The following ADGRL2 variants were observed in gnomAD, a reference collection of about 807,000 sequenced individuals.
The protein encoded by ADGRL2 is adhesion G protein-coupled receptor L2, also known as calcium-independent alpha-latrotoxin receptor 2.
Under a neutral mutation model 157.4 loss-of-function variants are expected in ADGRL2, and 44 were observed. That is an observed-to-expected ratio of 0.28 (90% confidence interval 0.22 to 0.36). The LOEUF is 0.36. Ranked by LOEUF, ADGRL2 falls within the 10% of genes least tolerant of loss-of-function variation. The probability of loss-of-function intolerance (pLI) is 1.00; values close to 1 mark genes in which losing one functional copy is unlikely to be tolerated. For missense variants in ADGRL2, 1,510 were observed against 1,768.9 expected (o/e 0.85, Z 2.63); for synonymous variants, 585 against 624.7 (o/e 0.94, Z 0.95).
At chr1:81,647,661 TA>T (rs2082339837) in intron 3 of ADGRL2, among the ~76,000 whole-genome samples, 1 of 152,158 alleles carries the variant, frequency 6.6e-6, no homozygotes, top group Admixed American at 6.5e-5. Flanking sequence ...GCATTTCAGA[TA>T]AGGGGTATTC....
intron 3 of ADGRL2, among the ~76,000 whole-genome samples, chr1:81,597,849 G>A (rs2081265310): frequency 6.6e-6 from 1 of 152,188 alleles, no homozygotes; most frequent in Admixed American, 6.6e-5. Flanking sequence ...GATAGGGAGT[G>A]TGGAATGAGT....
At chr1:81,586,825 A>G (rs1388213230) in intron 3 of ADGRL2, among the ~76,000 whole-genome samples, 1 of 152,050 alleles carries the variant, frequency 6.6e-6, no homozygotes, top group African/African-American at 2.4e-5. Flanking sequence ...GAGGGAGAAA[A>G]TGTTAGCTTG....
intron 2 of ADGRL2, among the ~76,000 whole-genome samples, chr1:81,467,046 T>TA (rs550364036): frequency 0.023 from 2,995 of 130,646 alleles, 96 homozygotes; most frequent in African/African-American, 0.075. Flanking sequence ...AAGCTACAGT[T>TA]AAAAAAAAAA....
intron 2 of ADGRL2, among the ~76,000 whole-genome samples, chr1:81,478,584 T>C (rs1468176479): frequency 6.6e-6 from 1 of 152,226 alleles, no homozygotes; most frequent in Non-Finnish European, 1.5e-5. Context: ...GTCGCTGGTG[T>C]TTAAGCCTTA....
At chr1:81,378,551 T>C (rs1189660983) in intron 1 of ADGRL2, among the ~76,000 whole-genome samples, 1 of 124,934 alleles carries the variant, frequency 8.0e-6, no homozygotes, top group East Asian at 2.6e-4. Flanking sequence ...GACACCAGAA[T>C]GAGACCTTGT....
In ADGRL2 at chr1:81,750,427, G is replaced by C. The variant is rs186383915; in HGVS notation, c.-142-11384G>C. Among the ~76,000 whole-genome samples, 5 of 152,216 alleles carry C rather than the reference G, an allele frequency of 3.3e-5. No individual in the cohort carries two copies. The East Asian group carries it at 9.7e-4, about 29-fold the overall frequency. On this transcript the variant is annotated intron_variant, in intron 1 of 20. Transcript: ENST00000359929. The stretch of plus-strand genomic sequence containing the variant: ...ACAAGTTGTTACAAATATTAAGAGA[G>C]AGAAAGTATGGCTGGGCCAGGTGGC...
Position 81,966,141 on chromosome 1 carries a change from A to G in ADGRL2, c.2101A>G (p.Ile701Val), listed in dbSNP as rs61738843. ...PLGIKGAGSS[I>V]QLSANTVKQN... ...GGGCATCAAAGGAGCAGGCAGCTCA[A>G]TCCAACTGTCCGCAAATACCGTCAA... Residue 701 changes from isoleucine to valine, a missense_variant, in exon 12 of 24, where the codon ATC (isoleucine) becomes GTC (valine). This residue lies in a region of ADGRL2 where 497 missense variants were observed against 627.2 expected (regional missense o/e 0.79). Coordinates refer to ENST00000686636, the MANE Select transcript of ADGRL2 (RefSeq NM_001366006.2). The G allele has an allele frequency of 3.1e-6, 5 of 1,614,008 alleles. No individual in the cohort carries two copies. Among genetic ancestry groups the G allele is most frequent in the African/African-American group, 2.7e-5 (2 of 74,928 alleles).
At chr1:81,443,437 C>CA (rs199968094) in intron 1 of ADGRL2, among the ~76,000 whole-genome samples, 2,410 of 117,680 alleles carry the variant, frequency 0.02, 61 homozygotes, top group African/African-American at 0.064. Flanking sequence ...AACTCCATCT[C>CA]AAAAAAAAAA....
chr1:81,439,863 G>A (rs747893668), intron 1 of ADGRL2, among the ~76,000 whole-genome samples: 2 of 152,222 alleles, frequency 1.3e-5, no homozygotes, highest in Non-Finnish European at 2.9e-5. Flanking sequence ...ATTGTCCAGT[G>A]TCCAAGAAGA....
intron 2 of ADGRL2, among the ~76,000 whole-genome samples, chr1:81,775,932 C>T (rs751064317): frequency 3.9e-5 from 6 of 152,042 alleles, no homozygotes. Context: ...ATTGAAAGGC[C>T]TCAGTATGAA....
At chr1:81,420,066 C>CA (rs1181750635) in intron 1 of ADGRL2, among the ~76,000 whole-genome samples, 1 of 151,806 alleles carries the variant, frequency 6.6e-6, no homozygotes, top group Non-Finnish European at 1.5e-5. Flanking sequence ...GAAATTTAAT[C>CA]AAAAAAAGGA....
chr1:81,634,884 G>A (rs988118053), intron 3 of ADGRL2, among the ~76,000 whole-genome samples: 1 of 152,060 alleles, frequency 6.6e-6, no homozygotes, highest in Non-Finnish European at 1.5e-5. Context: ...TCCTTATCCT[G>A]CCTGCAGTTG....
chr1:81,575,512 A>G (rs1237500504), intron 2 of ADGRL2, among the ~76,000 whole-genome samples: 1 of 152,164 alleles, frequency 6.6e-6, no homozygotes, highest in East Asian at 1.9e-4. Flanking sequence ...AGAGTCTTAC[A>G]TTTCCATTAG....
At chr1:81,397,900 G>T (rs1422966930) in intron 1 of ADGRL2, among the ~76,000 whole-genome samples, 4 of 152,272 alleles carry the variant, frequency 2.6e-5, no homozygotes, top group East Asian at 1.9e-4. Context: ...TCTGTCCAGT[G>T]CTGAAAGTGG....
chr1:81,313,369 A>G (rs1485775795), intron 1 of ADGRL2, among the ~76,000 whole-genome samples: 1 of 152,206 alleles, frequency 6.6e-6, no homozygotes, highest in Non-Finnish European at 1.5e-5. Flanking sequence ...CACATTTATA[A>G]TGTTGATTTA....
chr1:81,533,745 T>C (rs1457032184), intron 2 of ADGRL2, among the ~76,000 whole-genome samples: 3 of 152,190 alleles, frequency 2.0e-5, no homozygotes, highest in Non-Finnish European at 4.4e-5. Flanking sequence ...TTACAGAGCT[T>C]AGTGTTCATT....
intron 1 of ADGRL2, among the ~76,000 whole-genome samples, chr1:81,748,642 C>G (rs1307417185): frequency 6.7e-6 from 1 of 149,844 alleles, no homozygotes; most frequent in Non-Finnish European, 1.5e-5. Flanking sequence ...ATCTCAGTCT[C>G]TTATTTCTCA....
intron 2 of ADGRL2, among the ~76,000 whole-genome samples, chr1:81,575,619 T>C (rs998121577): frequency 6.6e-6 from 1 of 152,154 alleles, no homozygotes; most frequent in African/African-American, 2.4e-5. Context: ...TGTTATAAAA[T>C]GCCTGCTTGT....
chr1:81,648,089 T>G (rs553744349), intron 3 of ADGRL2, among the ~76,000 whole-genome samples: 91 of 152,234 alleles, frequency 6.0e-4, no homozygotes, highest in African/African-American at 2.1e-3. Context: ...AAACAAGTAT[T>G]TTGGGATTTC....
Sources: gnomAD v4.1 joint callset for allele counts (sites outside exome capture counted in the v4.1 genomes callset) on GRCh38, gnomAD v4.1.1 for gene constraint, gnomAD v4.1.1 regional missense constraint, MANE v1.5 for transcripts, NCBI Gene and HGNC (gene_info 2026-07-23, HGNC 2026-07-21) for gene names.